GPR89B: variants seen among roughly 807,000 people sequenced by gnomAD.
GPR89B encodes the protein golgi pH regulator B, also known as G protein-coupled receptor 89B.
A neutral mutation model predicts 52.4 loss-of-function variants in GPR89B; 25 were observed. That is an observed-to-expected ratio of 0.48 (90% CI 0.35 to 0.67). The LOEUF (loss-of-function observed/expected upper bound fraction) is 0.67, where lower values mean the gene tolerates loss of function less well. GPR89B is among the 30% of genes least tolerant of loss of function. The pLI, the probability that GPR89B is intolerant of heterozygous loss-of-function variation, is 0.01. For synonymous variants in GPR89B, 52 were observed against 151.2 expected (o/e 0.34, Z 4.81); for missense variants, 146 against 450.2 (o/e 0.32, Z 6.11).
At chr1:147,930,791 G>A (rs587705358) in intron 1 of GPR89B, among the ~76,000 whole-genome samples, 1 of 152,214 alleles carries the variant, frequency 6.6e-6, no homozygotes, top group South Asian at 2.1e-4. Context: ...CTCTTCAGCT[G>A]TGGCTCCAAT....
chr1:148,017,711 C>T, the GPR89B span, among the ~76,000 whole-genome samples: 2 of 148,782 alleles, frequency 1.3e-5, no homozygotes, highest in Admixed American at 1.3e-4. Flanking sequence ...GCACTCTAGC[C>T]TGGGTGACAG....
the GPR89B span, among the ~76,000 whole-genome samples, chr1:148,001,667 C>CT: frequency 7.3e-5 from 11 of 150,218 alleles, no homozygotes; most frequent in African/African-American, 1.5e-4. Context: ...TCCCAGGAAG[C>CT]TTATAAGCAC....
rs1654774242 is a variant in GPR89B, at chr1:147,944,154, T to C, written c.415+56T>C. On this transcript the variant is annotated intron_variant, in intron 5 of 13. Transcript: ENST00000314163. ...GGGGGAGAAGATTTGTTTAATTTTC[T>C]GATTTCAAAAACAATTAATTAAATT... The C allele has an allele frequency of 1.9e-6, 3 of 1,582,072 alleles. No homozygotes were observed. In the Admixed American group the frequency reaches 6.0e-5, roughly 32 times the overall value.
the GPR89B span, among the ~76,000 whole-genome samples, chr1:148,009,054 G>C: frequency 6.6e-5 from 10 of 152,074 alleles, no homozygotes; most frequent in African/African-American, 2.4e-4. Flanking sequence ...CTGGCCCCCT[G>C]ACCTCAAAGA....
rs142935665 is a variant in GPR89B, at chr1:147,943,471, T to C, written c.240T>C (p.Cys80=). Residue 80 remains cysteine, a synonymous_variant, in exon 4 of 14, where the codon TGT becomes TGC. Transcript: ENST00000314163. The part of the protein sequence containing the change: ...SRYFHWKMNL[C]VILLILVFMV... ...ATTTTCACTGGAAAATGAACCTGTG[T>C]GTAATTCTGCTGATCCTGGTTTTCA... is the stretch of plus-strand genomic sequence containing the variant. 57,452 of 1,612,524 alleles carry C rather than the reference T, an allele frequency of 0.036. 1,204 individuals carry two copies. The highest frequency in any genetic ancestry group is 0.076 in the African/African-American group (5,689 of 74,782).
At chr1:147,962,611 AAC>A (rs1245524367) in intron 7 of GPR89B, among the ~76,000 whole-genome samples, 2 of 151,830 alleles carry the variant, frequency 1.3e-5, no homozygotes, top group African/African-American at 4.9e-5. Flanking sequence ...ATAAAATTAA[AAC>A]ACGCCAGGCG....
intron 10 of GPR89B, among the ~76,000 whole-genome samples, chr1:147,972,314 G>A (rs1364831074): frequency 5.3e-5 from 8 of 151,522 alleles, no homozygotes; most frequent in Non-Finnish European, 1.0e-4. Flanking sequence ...GTATAGACGT[G>A]TGCTGTCTTT....
intron 5 of GPR89B, among the ~76,000 whole-genome samples, chr1:147,948,043 G>T (rs1199095486): frequency 1.3e-5 from 2 of 152,148 alleles, no homozygotes; most frequent in Non-Finnish European, 2.9e-5. Flanking sequence ...AGTCTTGTGG[G>T]TGGAACTAGA....
chr1:147,996,049 T>C (rs1265978937), downstream of GPR89B, among the ~76,000 whole-genome samples: 5 of 152,120 alleles, frequency 3.3e-5, no homozygotes, highest in Non-Finnish European at 7.4e-5. Context: ...TGCTTTTATA[T>C]TTATGAAGGC....
chr1:147,933,981 A>G lies in GPR89B; in HGVS notation c.43-2646A>G, dbSNP rs587774224. 5.5e-3 allele frequency among the ~76,000 whole-genome samples: 831 copies of G among 151,702 alleles called. 10 individuals are homozygous for G. Among genetic ancestry groups the G allele is most frequent in the African/African-American group, 0.019 (783 of 41,310 alleles). ...CCTTCAAAGCTCTCAGTGATTGGACATCCACTCCTCCTGTCTAGCCTCATT... is the reference window on the plus strand; with the variant it reads ...CCTTCAAAGCTCTCAGTGATTGGACGTCCACTCCTCCTGTCTAGCCTCATT... On this transcript the variant is annotated intron_variant, in intron 1 of 13. Transcript: ENST00000314163.
intron 5 of GPR89B, among the ~76,000 whole-genome samples, chr1:147,952,240 A>G (rs1303122316): frequency 3.9e-5 from 6 of 152,110 alleles, no homozygotes; most frequent in Admixed American, 6.5e-5. Flanking sequence ...TATGCATTCT[A>G]GCAATTTGAG....
chr1:148,005,602 C>T, the GPR89B span: 1 of 1,153,790 alleles, frequency 8.7e-7, no homozygotes, highest in Non-Finnish European at 1.3e-6. Flanking sequence ...TAGCCCCAGT[C>T]CTGTGATTGC....
At chr1:148,009,721 C>G in the GPR89B span, 1 of 848,474 alleles carries the variant, frequency 1.2e-6, no homozygotes. Flanking sequence ...CAAGTAGAAG[C>G]AGGTAGTTCC....
At chr1:147,971,169 A>G (rs1322408987) in intron 10 of GPR89B, among the ~76,000 whole-genome samples, 1 of 133,774 alleles carries the variant, frequency 7.5e-6, no homozygotes, top group African/African-American at 3.1e-5. Flanking sequence ...TTTTTTTTTT[A>G]GATGGAGTCT....
chr1:147,937,500 G>A (rs868944100), intron 2 of GPR89B, among the ~76,000 whole-genome samples: 3 of 152,170 alleles, frequency 2.0e-5, no homozygotes, highest in African/African-American at 7.2e-5. Context: ...GGCACTGTAG[G>A]AGACCAGGGT....
chr1:147,942,156 T>C (rs1197892793), intron 3 of GPR89B, among the ~76,000 whole-genome samples: 1 of 152,068 alleles, frequency 6.6e-6, no homozygotes, highest in African/African-American at 2.4e-5. Flanking sequence ...AGGATCTGAA[T>C]AGGCATTTCT....
At chr1:147,983,542 A>G (rs2149090477) in intron 10 of GPR89B, among the ~76,000 whole-genome samples, 1 of 152,256 alleles carries the variant, frequency 6.6e-6, no homozygotes, top group East Asian at 1.9e-4. Context: ...TTCTCAAAAG[A>G]AGACATTTAT....
At position 147,975,190 on chromosome 1, in the gene GPR89B, A is replaced by C. The variant is rs2149082727; in HGVS notation, c.909+5231A>C. Among the ~76,000 whole-genome samples, 5 of 133,294 alleles carry C rather than the reference A, an allele frequency of 3.8e-5. No individual in the cohort carries two copies. In the Middle Eastern group the frequency reaches 0.011, roughly 286 times the overall value. 87.4% of individuals were successfully genotyped at this position (133,294 alleles called of 152,430 possible). On this transcript the variant is annotated intron_variant, in intron 10 of 13. Coordinates refer to ENST00000314163, the MANE Select transcript of GPR89B (RefSeq NM_016334.5). ...GTATCAGAATGAGCTGGCCTCATAAAATGAGTTAGGGAGGAGTCCCTCTTT... is the reference window on the plus strand; with the variant it reads ...GTATCAGAATGAGCTGGCCTCATAACATGAGTTAGGGAGGAGTCCCTCTTT...
intron 9 of GPR89B, chr1:147,969,657 G>A: frequency 3.5e-6 from 2 of 564,714 alleles, no homozygotes; most frequent in Non-Finnish European, 6.4e-6. Context: ...AGATTAAGTG[G>A]ATAATGCATG....
Sources: gnomAD v4.1 joint callset for allele counts (sites outside exome capture counted in the v4.1 genomes callset) on GRCh38, gnomAD v4.1.1 for gene constraint, MANE v1.5 for transcripts, NCBI Gene and HGNC (gene_info 2026-07-23, HGNC 2026-07-21) for gene names.